FAM135A: variants seen among roughly 807,000 people sequenced by gnomAD.
FAM135A encodes family with sequence similarity 135 member A.
FAM135A carries 79 observed loss-of-function variants against 146.8 expected under a neutral mutation model. That is an observed-to-expected ratio of 0.54 (90% CI 0.45 to 0.65). The LOEUF is 0.65. Ranked by LOEUF, FAM135A falls within the 30% of genes least tolerant of loss-of-function variation. The probability of loss-of-function intolerance (pLI) is 0.00; values close to 1 mark genes in which losing one functional copy is unlikely to be tolerated. For synonymous variants in FAM135A, 562 were observed against 603.6 expected, an observed-to-expected ratio of 0.93 and a Z score of 1.01; for missense variants, 1,623 against 1,758.2, an observed-to-expected ratio of 0.92 and a Z score of 1.38.
At position 70,525,970 on chromosome 6, in the gene FAM135A, G is replaced by C; in HGVS notation, c.2886G>C (p.Gly962=). The C allele has an allele frequency of 2.5e-6, 4 of 1,613,198 alleles. No homozygotes were observed. Among genetic ancestry groups the C allele is most frequent in the African/African-American group, 2.7e-5 (2 of 74,982 alleles). The change falls in exon 15 of 22, where the codon GGG becomes GGC. Residue 962 remains glycine (G), a synonymous_variant. Transcript: ENST00000418814. The part of the protein sequence containing the change: ...QSPDKSNNST[G]TAITLNSKLI... ...CTGATAAATCTAATAACTCTACAGG[G>C]ACAGCAATTACATTAAATTCAAAAC...
At chr6:70,551,890 A>G (rs1027436301) in intron 20 of FAM135A, among the ~76,000 whole-genome samples, 1 of 152,234 alleles carries the variant, frequency 6.6e-6, no homozygotes, top group Non-Finnish European at 1.5e-5. Flanking sequence ...CATAACAGAT[A>G]TAAAAATAAT....
chr6:70,495,348 C>T (rs563722632), intron 11 of FAM135A, among the ~76,000 whole-genome samples: 2 of 152,272 alleles, frequency 1.3e-5, no homozygotes, highest in Admixed American at 1.3e-4. Context: ...CATTTATTCA[C>T]TTAGTAACTA....
intron 19 of FAM135A, among the ~76,000 whole-genome samples, chr6:70,537,124 C>T (rs1796934824): frequency 6.6e-6 from 1 of 151,844 alleles, no homozygotes; most frequent in South Asian, 2.1e-4. Context: ...TTAGTAGAGA[C>T]GGGGTTTCAC....
At chr6:70,443,747 CT>C (rs947431598) in intron 4 of FAM135A, among the ~76,000 whole-genome samples, 1 of 151,732 alleles carries the variant, frequency 6.6e-6, no homozygotes, top group Non-Finnish European at 1.5e-5. Flanking sequence ...TTAATCATAC[CT>C]TTTTTTTCAT....
At chr6:70,417,685 C>G (rs1391512291) in intron 2 of FAM135A, 1 of 921,904 alleles carries the variant, frequency 1.1e-6, no homozygotes, top group South Asian at 5.0e-5. Flanking sequence ...GACACTTGCT[C>G]TTTGATGTCT....
In FAM135A at chr6:70,556,790, A is replaced by C; in HGVS notation, c.4269A>C (p.Leu1423=). 1 of 1,613,886 alleles carries C rather than the reference A, an allele frequency of 6.2e-7. No individual in the cohort carries two copies. The stretch of plus-strand genomic sequence containing the variant: ...AAAATGTTGTGCTAGTGGGATCCCT[A>C]CAGGATCGCTATGTTCCTTATCACT... ...YFKNVVLVGS[L]QDRYVPYHSA... Residue 1423 remains leucine, a synonymous_variant, in exon 21 of 22, where the codon CTA becomes CTC. Coordinates refer to ENST00000418814, the MANE Select transcript of FAM135A (RefSeq NM_001162529.3).
intron 16 of FAM135A, among the ~76,000 whole-genome samples, chr6:70,532,220 G>T (rs765121247): frequency 1.3e-4 from 19 of 151,932 alleles, no homozygotes; most frequent in Non-Finnish European, 2.4e-4. Context: ...ACTAGATTCT[G>T]TTCAAACATG....
chr6:70,451,942 T>C (rs1030797666), intron 4 of FAM135A, among the ~76,000 whole-genome samples: 1 of 151,972 alleles, frequency 6.6e-6, no homozygotes, highest in African/African-American at 2.4e-5. Context: ...TACTAATATT[T>C]GGTGGATTTT....
chr6:70,448,135 C>CT (rs1776239588), intron 4 of FAM135A, among the ~76,000 whole-genome samples: 1 of 152,132 alleles, frequency 6.6e-6, no homozygotes, highest in Admixed American at 6.5e-5. Flanking sequence ...CAAGGCGCTG[C>CT]TTGAACAGTC....
intron 4 of FAM135A, among the ~76,000 whole-genome samples, chr6:70,431,734 A>G (rs1185705198): frequency 6.6e-6 from 1 of 152,202 alleles, no homozygotes; most frequent in Admixed American, 6.5e-5. Flanking sequence ...TGATTTTGAC[A>G]AGCTAAATGT....
At chr6:70,418,192 T>G (rs1247766922) in intron 2 of FAM135A, among the ~76,000 whole-genome samples, 2 of 152,244 alleles carry the variant, frequency 1.3e-5, no homozygotes, top group Admixed American at 1.3e-4. Flanking sequence ...TGTGAATCAC[T>G]TTTAAAATGA....
intron 4 of FAM135A, among the ~76,000 whole-genome samples, chr6:70,438,480 C>A (rs1303341315): frequency 6.6e-6 from 1 of 152,200 alleles, no homozygotes; most frequent in African/African-American, 2.4e-5. Flanking sequence ...GACAGAAATT[C>A]TTTTGTCCAG....
At chr6:70,490,833 AAAT>A (rs1785729203) in intron 10 of FAM135A, among the ~76,000 whole-genome samples, 198 bp from the exon 11 acceptor site, 1 of 152,012 alleles carries the variant, frequency 6.6e-6, no homozygotes, top group African/African-American at 2.4e-5. Context: ...GAAAAATAAA[AAAT>A]GATATTTATC....
At chr6:70,481,879 T>A in intron 9 of FAM135A, 122 bp from the exon 10 acceptor site, 1 of 897,668 alleles carries the variant, frequency 1.1e-6, no homozygotes, top group Non-Finnish European at 1.6e-6. Flanking sequence ...CCACATTTTT[T>A]ATATGTATTA....
intron 16 of FAM135A, 88 bp downstream of exon 16, chr6:70,528,540 T>G: frequency 8.3e-7 from 1 of 1,210,516 alleles, no homozygotes; most frequent in South Asian, 2.9e-5. Context: ...GTCTTTGAAC[T>G]AAAAAAAGAT....
intron 4 of FAM135A, among the ~76,000 whole-genome samples, chr6:70,443,266 A>G (rs1441279785): frequency 2.0e-5 from 3 of 152,220 alleles, no homozygotes; most frequent in Non-Finnish European, 4.4e-5. Flanking sequence ...ACAGTAGTCC[A>G]ATAAGATTAT....
chr6:70,447,703 C>G lies in FAM135A; in HGVS notation c.78-4789C>G, dbSNP rs1776094507. 2.0e-5 allele frequency among the ~76,000 whole-genome samples: 3 copies of G among 152,352 alleles called. No homozygotes were observed. In the South Asian group the frequency reaches 6.2e-4, roughly 32 times the overall value. ...CCGAAATCGGGTTCCCATCGTGACA[C>G]TGATTAGCCCAGTGTTTTCCTTTTC... On this transcript the variant is annotated intron_variant, in intron 4 of 21. Transcript: ENST00000418814.
chr6:70,414,086 C>T, intron 1 of FAM135A: 1 of 976,298 alleles, frequency 1.0e-6, no homozygotes. Flanking sequence ...TCTGCTTTTT[C>T]ATCCCGCGCC....
At chr6:70,520,381 T>C (rs1220875364) in intron 12 of FAM135A, among the ~76,000 whole-genome samples, 2 of 152,198 alleles carry the variant, frequency 1.3e-5, no homozygotes, top group African/African-American at 2.4e-5. Flanking sequence ...TTAGATAATC[T>C]ATCAGATATA....
Sources: gnomAD v4.1 joint callset for allele counts (sites outside exome capture counted in the v4.1 genomes callset) on GRCh38, gnomAD v4.1.1 for gene constraint, MANE v1.5 for transcripts, NCBI Gene and HGNC (gene_info 2026-07-23, HGNC 2026-07-21) for gene names.